The following CYP2C19 variants were observed in gnomAD, a reference collection of about 807,000 sequenced individuals.
CYP2C19 encodes cytochrome P450 2C19.
In CYP2C19, 59 loss-of-function variants were observed where a neutral mutation model predicts 40.9. The observed-to-expected ratio is 1.44, with a 90% CI of 1.17 to 1.79. CYP2C19 has a LOEUF of 1.79. Ranked by LOEUF, CYP2C19 falls within the 40% of genes most tolerant of loss-of-function variation. CYP2C19 has a pLI of 0.00. For missense variants in CYP2C19, 754 were observed against 596.9 expected (o/e 1.26, Z -2.74); for synonymous variants, 253 against 208.7 (o/e 1.21, Z -1.83).
chr10:94,795,853 T>C (rs1848677733), intron 5 of CYP2C19, among the ~76,000 whole-genome samples: 1 of 152,184 alleles, frequency 6.6e-6, no homozygotes, highest in South Asian at 2.1e-4. Flanking sequence ...ATGGGGTTTT[T>C]TTTCTTGTAA....
chr10:94,799,266 T>G (rs918164575), intron 5 of CYP2C19, among the ~76,000 whole-genome samples: 1 of 151,910 alleles, frequency 6.6e-6, no homozygotes, highest in Non-Finnish European at 1.5e-5. Context: ...TTACGAGGCT[T>G]AGTTTGGCTG....
intron 3 of CYP2C19, among the ~76,000 whole-genome samples, chr10:94,777,057 A>G (rs920838871): frequency 1.3e-5 from 2 of 152,106 alleles, no homozygotes; most frequent in Non-Finnish European, 2.9e-5. Context: ...CACAATTGCT[A>G]CAAAGAGAAT....
rs538086715 is a variant in CYP2C19 at position 94,828,358 on chromosome 10, G to T, written c.961+7721G>T. Among the ~76,000 whole-genome samples the T allele has an allele frequency of 1.3e-4, 20 of 151,670 alleles. 1 individual carries two copies. Among genetic ancestry groups the T allele is most frequent in the African/African-American group, 4.8e-4 (20 of 41,242 alleles). On this transcript the variant is annotated intron_variant, in intron 6 of 8. Coordinates refer to ENST00000371321, the MANE Select transcript of CYP2C19 (RefSeq NM_000769.4). ...GAATCTTGGTGCTCCTGTATTGGGT[G>T]CATATATATTTAGCATAGTTAGCTC...
At chr10:94,847,706 T>A (rs1849594175) in intron 7 of CYP2C19, among the ~76,000 whole-genome samples, 1 of 152,160 alleles carries the variant, frequency 6.6e-6, no homozygotes, top group Non-Finnish European at 1.5e-5. Flanking sequence ...AGTGTAAAAC[T>A]GTTCCTATTT....
intron 1 of CYP2C19, among the ~76,000 whole-genome samples, chr10:94,770,060 C>A (rs564861755): frequency 5.3e-5 from 8 of 152,228 alleles, no homozygotes; most frequent in South Asian, 2.1e-4. Context: ...ACCTTGAGGA[C>A]CGTCATCCAG....
intron 5 of CYP2C19, among the ~76,000 whole-genome samples, chr10:94,791,004 T>C (rs892800378): frequency 4.9e-4 from 75 of 152,172 alleles, no homozygotes; most frequent in Non-Finnish European, 9.8e-4. Context: ...TTCTGGACTT[T>C]TTTTGGTTGG....
At chr10:94,801,010 C>T (rs1307040777) in intron 5 of CYP2C19, among the ~76,000 whole-genome samples, 1 of 152,106 alleles carries the variant, frequency 6.6e-6, no homozygotes, top group Non-Finnish European at 1.5e-5. Context: ...TTCAGCTCAC[C>T]CTCCATGGGC....
At chr10:94,806,817 A>G (rs1198550056) in intron 5 of CYP2C19, among the ~76,000 whole-genome samples, 2 of 151,476 alleles carry the variant, frequency 1.3e-5, no homozygotes, top group African/African-American at 2.4e-5. Flanking sequence ...ATATTTCAGT[A>G]TATGTATACA....
chr10:94,789,869 A>G (rs1848584643), intron 5 of CYP2C19, among the ~76,000 whole-genome samples: 1 of 152,090 alleles, frequency 6.6e-6, no homozygotes, highest in Admixed American at 6.6e-5. Context: ...AGTTATTTTG[A>G]ATTCTGTGAA....
At chr10:94,824,119 A>C (rs1052686535) in intron 6 of CYP2C19, among the ~76,000 whole-genome samples, 3 of 152,246 alleles carry the variant, frequency 2.0e-5, no homozygotes, top group Non-Finnish European at 4.4e-5. Flanking sequence ...AAGTTTAAGA[A>C]AGTGCTAAAA....
chr10:94,817,944 C>T (rs1421059371), intron 5 of CYP2C19, among the ~76,000 whole-genome samples: 43 of 136,054 alleles, frequency 3.2e-4, no homozygotes, highest in Non-Finnish European at 5.1e-4. Flanking sequence ...ACCCGGGAGG[C>T]GGAGCTTGCA....
chr10:94,826,703 G>T (rs1364043578), intron 6 of CYP2C19, among the ~76,000 whole-genome samples: 1 of 152,176 alleles, frequency 6.6e-6, no homozygotes, highest in African/African-American at 2.4e-5. Context: ...ATGTTGAATA[G>T]GAGTGGCAAG....
intron 6 of CYP2C19, among the ~76,000 whole-genome samples, chr10:94,835,236 A>G (rs920993609): frequency 2.0e-5 from 3 of 152,172 alleles, no homozygotes; most frequent in African/African-American, 7.2e-5. Context: ...GGCCCTGACT[A>G]TCTGCTTGAT....
intron 6 of CYP2C19, among the ~76,000 whole-genome samples, chr10:94,840,030 T>G (rs1221434038): frequency 6.6e-6 from 1 of 152,142 alleles, no homozygotes; most frequent in East Asian, 1.9e-4. Context: ...TGGTGAGGTG[T>G]GCTCACAATG....
intron 6 of CYP2C19, among the ~76,000 whole-genome samples, chr10:94,828,314 C>T (rs1007152225): frequency 2.0e-5 from 3 of 151,652 alleles, no homozygotes; most frequent in Non-Finnish European, 2.9e-5. Flanking sequence ...CTTTGTAGGT[C>T]ACTCAGGATT....
intron 5 of CYP2C19, among the ~76,000 whole-genome samples, chr10:94,795,338 C>T (rs1180048968): frequency 6.6e-6 from 1 of 151,802 alleles, no homozygotes; most frequent in South Asian, 2.1e-4. Context: ...TGAACTCATC[C>T]TTTTTTAAGG....
In CYP2C19 at chr10:94,854,880, G is replaced by A. The variant is rs547297077; in HGVS notation, c.*1966G>A. Among the ~76,000 whole-genome samples, 1 of 152,248 alleles carries A rather than the reference G, an allele frequency of 6.6e-6. No individual in the cohort carries two copies. Among genetic ancestry groups the A allele is most frequent in the Admixed American group, 6.5e-5 (1 of 15,290 alleles). ...AGTGGAAATGGGTATTACATTAATG[G>A]AAAGATACAGATGGAAATTACACAT... On this transcript the variant is annotated 3_prime_UTR_variant, in exon 9 of 9. Coordinates refer to ENST00000371321, the MANE Select transcript of CYP2C19 (RefSeq NM_000769.4).
chr10:94,800,946 A>G (rs989873759), intron 5 of CYP2C19, among the ~76,000 whole-genome samples: 2 of 152,186 alleles, frequency 1.3e-5, no homozygotes, highest in African/African-American at 4.8e-5. Flanking sequence ...TCACTAAGAA[A>G]GGGAAATCCC....
chr10:94,835,135 G>T (rs756679805), intron 6 of CYP2C19, among the ~76,000 whole-genome samples: 4 of 152,178 alleles, frequency 2.6e-5, no homozygotes, highest in East Asian at 1.9e-4. Context: ...TAGTTTTACA[G>T]CTTCAATTCT....
Sources: gnomAD v4.1 joint callset for allele counts (sites outside exome capture counted in the v4.1 genomes callset) on GRCh38, gnomAD v4.1.1 for gene constraint, MANE v1.5 for transcripts, NCBI Gene and HGNC (gene_info 2026-07-23, HGNC 2026-07-21) for gene names.